The following FILIP1 variants were observed in gnomAD, a reference collection of about 807,000 sequenced individuals.
The protein encoded by FILIP1 is filamin-A-interacting protein 1.
Under a neutral mutation model 102.1 loss-of-function variants are expected in FILIP1, and 61 were observed. The observed-to-expected ratio is 0.60, with a 90% CI of 0.49 to 0.74. The LOEUF (loss-of-function observed/expected upper bound fraction) is 0.74. FILIP1 is among the 30% of genes least tolerant of loss of function. FILIP1 has a pLI of 0.00. For missense variants in FILIP1, 1,314 were observed against 1,441.2 expected, an observed-to-expected ratio of 0.91 and a Z score of 1.43; for synonymous variants, 491 against 526.9, an observed-to-expected ratio of 0.93 and a Z score of 0.93.
chr6:75,330,138 A>C (rs565425651), intron 4 of FILIP1, among the ~76,000 whole-genome samples: 76 of 152,196 alleles, frequency 5.0e-4, no homozygotes, highest in African/African-American at 1.7e-3. Flanking sequence ...TTTTGCATTA[A>C]TTTTGATACT....
intron 3 of FILIP1, among the ~76,000 whole-genome samples, chr6:75,359,101 G>C (rs1285634892): frequency 6.6e-6 from 1 of 152,086 alleles, no homozygotes; most frequent in African/African-American, 2.4e-5. Flanking sequence ...GGCCTCCCAG[G>C]TTCAAGTGAT....
intron 1 of FILIP1, among the ~76,000 whole-genome samples, chr6:75,437,947 T>C (rs1426646526): frequency 1.3e-5 from 2 of 152,248 alleles, no homozygotes; most frequent in African/African-American, 4.8e-5. Flanking sequence ...AATTAATTTA[T>C]TGAAAATAAA....
rs1775204289 is a variant in FILIP1 at position 75,362,620 on chromosome 6, T to G, written c.450+124A>C. The G allele has an allele frequency of 4.0e-6, 3 of 744,048 alleles. No individual in the cohort carries two copies. The South Asian group carries it at 5.6e-5, about 14-fold the overall frequency. 46.1% of individuals were successfully genotyped at this position (744,048 alleles called of 1,614,324 possible). On this transcript the variant is annotated intron_variant, in intron 3 of 5. Coordinates refer to ENST00000237172, the MANE Select transcript of FILIP1 (RefSeq NM_015687.5). ...TTGACTTATTTAATTACACTTTAAT[T>G]GTATATTAGTGTATCATCAAAATTT...
intron 2 of FILIP1, among the ~76,000 whole-genome samples, chr6:75,374,600 G>A (rs557434249): frequency 2.7e-4 from 41 of 152,180 alleles, no homozygotes; most frequent in Non-Finnish European, 5.3e-4. Context: ...GGCTGGTCTC[G>A]AACTCCTGAC....
At chr6:75,422,084 A>C (rs1345209265) in intron 1 of FILIP1, among the ~76,000 whole-genome samples, 2 of 152,298 alleles carry the variant, frequency 1.3e-5, no homozygotes, top group African/African-American at 4.8e-5. Flanking sequence ...GCATTTAACT[A>C]TCTAGTAATA....
At chr6:75,325,058 A>G (rs1216571205) in intron 4 of FILIP1, among the ~76,000 whole-genome samples, 1 of 152,328 alleles carries the variant, frequency 6.6e-6, no homozygotes, top group East Asian at 1.9e-4. Flanking sequence ...CCCAAAAGCA[A>G]ATGCAACAAA....
intron 4 of FILIP1, among the ~76,000 whole-genome samples, chr6:75,352,822 AATGTAGGTG>A (rs1774855221): frequency 6.6e-6 from 1 of 151,004 alleles, no homozygotes; most frequent in Admixed American, 6.6e-5. Flanking sequence ...AGACTTTTCA[AATGTAGGTG>A]CTTCATTGAT....
chr6:75,305,399 C>G (rs1236659228), downstream of FILIP1, among the ~76,000 whole-genome samples: 1 of 152,138 alleles, frequency 6.6e-6, no homozygotes, highest in Non-Finnish European at 1.5e-5. Flanking sequence ...ATACTCTTCC[C>G]ACACTACACA....
At chr6:75,381,197 T>A (rs1775895295) in intron 2 of FILIP1, among the ~76,000 whole-genome samples, 1 of 152,112 alleles carries the variant, frequency 6.6e-6, no homozygotes, top group African/African-American at 2.4e-5. Context: ...TTTTAAATAA[T>A]CTATATCAGA....
chr6:75,446,653 T>C (rs1409017214), intron 1 of FILIP1, among the ~76,000 whole-genome samples: 3 of 152,132 alleles, frequency 2.0e-5, no homozygotes, highest in African/African-American at 7.2e-5. Flanking sequence ...CTGCCAACTT[T>C]TGCATAGTTT....
chr6:75,317,183 C>CTGA (rs1337884842), intron 4 of FILIP1, among the ~76,000 whole-genome samples: 1 of 152,150 alleles, frequency 6.6e-6, no homozygotes, highest in African/African-American at 2.4e-5. Flanking sequence ...CTGAAACTCT[C>CTGA]TGATTCTCAA....
At chr6:75,319,831 C>CAAA (rs71002732) in intron 4 of FILIP1, 99 of 345,226 alleles carry the variant, frequency 2.9e-4, no homozygotes, top group South Asian at 3.5e-4. Flanking sequence ...CTCCGTCCCC[C>CAAA]AAAAAAAAAA....
intron 1 of FILIP1, among the ~76,000 whole-genome samples, chr6:75,433,847 T>C (rs1039576999): frequency 6.6e-6 from 1 of 152,220 alleles, no homozygotes; most frequent in Non-Finnish European, 1.5e-5. Flanking sequence ...CTTTAATCCA[T>C]CTTGAATTAA....
At chr6:75,448,381 C>A (rs1297593121) in intron 1 of FILIP1, among the ~76,000 whole-genome samples, 2 of 152,122 alleles carry the variant, frequency 1.3e-5, no homozygotes, top group African/African-American at 2.4e-5. Context: ...ATGATTAATT[C>A]TTATGTGCTA....
intron 2 of FILIP1, among the ~76,000 whole-genome samples, chr6:75,374,160 G>C (rs764487311): frequency 2.0e-5 from 3 of 152,100 alleles, no homozygotes; most frequent in Admixed American, 6.5e-5. Context: ...GATATTAATA[G>C]TGTGTCAGCT....
Position 75,314,332 on chromosome 6 carries a change from C to A in FILIP1, c.1500G>T (p.Lys500Asn), listed in dbSNP as rs200175610. 3.9e-6 allele frequency: 6 copies of A among 1,519,962 alleles called. No homozygotes were observed. The African/African-American group carries it at 8.4e-5, about 21-fold the overall frequency. The allele number at this position is 1,519,962 out of a possible 1,614,324, so 94.2% of individuals were successfully genotyped here. ...CCAGCATCACGGTAAATGACTTCAA[C>A]TTGGTAAGATCATCTTTTAGGCTTA... ...AELSLKDDLT[K>N]LKSFTVMLVD... is the part of the protein sequence containing the mutation. The change falls in exon 5 of 6, where the codon AAG becomes AAT. Residue 500 changes from lysine (K) to asparagine (N), a missense_variant. Lys to Asn is a moderately conservative substitution (Grantham distance 94). Coordinates refer to ENST00000237172, the MANE Select transcript of FILIP1 (RefSeq NM_015687.5).
chr6:75,408,976 A>G (rs1776966055), intron 2 of FILIP1, among the ~76,000 whole-genome samples: 1 of 152,150 alleles, frequency 6.6e-6, no homozygotes, highest in African/African-American at 2.4e-5. Flanking sequence ...CATCATCTAG[A>G]TTGTACCAAA....
At chr6:75,406,542 A>G (rs936274601) in intron 2 of FILIP1, among the ~76,000 whole-genome samples, 2 of 151,934 alleles carry the variant, frequency 1.3e-5, no homozygotes, top group African/African-American at 4.8e-5. Flanking sequence ...CTCTTTCTTC[A>G]TGATTGTTGT....
intron 1 of FILIP1, among the ~76,000 whole-genome samples, chr6:75,420,529 TA>T (rs1450627283): frequency 6.6e-6 from 1 of 152,160 alleles, no homozygotes; most frequent in African/African-American, 2.4e-5. Flanking sequence ...CATGACCTAC[TA>T]TTCAAGATCC....
Sources: allele counts gnomAD v4.1 joint callset (sites outside exome capture counted in the v4.1 genomes callset), GRCh38; gene constraint gnomAD v4.1.1; transcripts MANE v1.5; gene names NCBI Gene and HGNC (gene_info 2026-07-23, HGNC 2026-07-21).